CNTNAP2: variants seen among roughly 807,000 people sequenced by gnomAD.
The protein encoded by CNTNAP2 is contactin-associated protein-like 2.
A neutral mutation model predicts 155.2 loss-of-function variants in CNTNAP2; 98 were observed. That is an observed-to-expected ratio of 0.63 (90% CI 0.54 to 0.75). The LOEUF (loss-of-function observed/expected upper bound fraction) is 0.75. CNTNAP2 is among the 30% of genes least tolerant of loss of function. The probability of loss-of-function intolerance (pLI) is 0.00; values close to 1 mark genes in which losing one functional copy is unlikely to be tolerated. For synonymous variants in CNTNAP2, 651 were observed against 631.2 expected (o/e 1.03, Z -0.47); for missense variants, 1,727 against 1,688.1 (o/e 1.02, Z -0.40).
intron 16 of CNTNAP2, among the ~76,000 whole-genome samples, chr7:148,135,295 A>G (rs1337999152): frequency 6.6e-6 from 1 of 152,144 alleles, no homozygotes; most frequent in African/African-American, 2.4e-5. Context: ...ATGTCAACAA[A>G]TGGGAGCACA....
chr7:146,507,381 A>T (rs1416086969), intron 1 of CNTNAP2, among the ~76,000 whole-genome samples: 1 of 152,172 alleles, frequency 6.6e-6, no homozygotes, highest in Non-Finnish European at 1.5e-5. Context: ...CCCCAGGTCA[A>T]TTACTTGTAG....
At chr7:148,252,006 TCTC>T (rs1486676201) in intron 20 of CNTNAP2, among the ~76,000 whole-genome samples, 1 of 152,126 alleles carries the variant, frequency 6.6e-6, no homozygotes, top group Non-Finnish European at 1.5e-5. Context: ...CAAGCAAAGT[TCTC>T]CTCCAGGCCA....
intron 4 of CNTNAP2, among the ~76,000 whole-genome samples, chr7:147,078,069 A>G (rs1245285913): frequency 1.3e-5 from 2 of 152,216 alleles, no homozygotes; most frequent in Admixed American, 6.5e-5. Context: ...TTTAAATGAT[A>G]CTTACATTTT....
chr7:148,383,762 A>G lies in CNTNAP2; in HGVS notation c.3589A>G (p.Thr1197Ala). ...CCCTCTCAAGGCCGCCTTGAGGCAGACAAACGCCTCGGCTCACGTCCACAT... is the reference window on the plus strand; with the variant it reads ...CCCTCTCAAGGCCGCCTTGAGGCAGGCAAACGCCTCGGCTCACGTCCACAT... ...IAPLKAALRQ[T>A]NASAHVHIQG... Residue 1197 changes from threonine to alanine, a missense_variant, in exon 22 of 24, where the codon ACA becomes GCA. Thr to Ala is a moderately conservative substitution (Grantham distance 58, BLOSUM62 0). Coordinates refer to ENST00000361727, the MANE Select transcript of CNTNAP2 (RefSeq NM_014141.6). The G allele has an allele frequency of 6.2e-7, 1 of 1,614,208 alleles. No individual in the cohort carries two copies. The highest frequency in any genetic ancestry group is 2.2e-5 in the East Asian group (1 of 44,886).
At chr7:148,092,358 A>G (rs779153943) in intron 15 of CNTNAP2, among the ~76,000 whole-genome samples, 5 of 152,202 alleles carry the variant, frequency 3.3e-5, no homozygotes, top group Non-Finnish European at 7.3e-5. Flanking sequence ...GAGTGGCATG[A>G]TTCCAGAAGG....
chr7:146,171,700 G>T (rs918917007), intron 1 of CNTNAP2, among the ~76,000 whole-genome samples: 3 of 152,084 alleles, frequency 2.0e-5, no homozygotes, highest in African/African-American at 7.2e-5. Context: ...TAAAAGAAAA[G>T]ATGTGTTTTC....
rs558959322 is a variant in CNTNAP2 at position 146,837,558 on chromosome 7, A to AT, written c.209-2146dup. Among the ~76,000 whole-genome samples, 65 of 151,850 alleles carry AT rather than the reference A, an allele frequency of 4.3e-4. No individual in the cohort carries two copies. The South Asian group carries it at 6.9e-3, about 16-fold the overall frequency. ...TTATTTTGGGGATACATTTCCATTGATTTTTTTCTCTCTGGTTCTAAGACA... is the reference window on the plus strand; with the variant it reads ...TTATTTTGGGGATACATTTCCATTGATTTTTTTTCTCTCTGGTTCTAAGACA... On this transcript the variant is annotated intron_variant, in intron 2 of 23. Coordinates refer to ENST00000361727, the MANE Select transcript of CNTNAP2 (RefSeq NM_014141.6).
At chr7:146,820,787 T>C (rs1240763101) in intron 2 of CNTNAP2, among the ~76,000 whole-genome samples, 1 of 152,186 alleles carries the variant, frequency 6.6e-6, no homozygotes, top group African/African-American at 2.4e-5. Context: ...CCCATTATTA[T>C]TGTGTGGGAG....
intron 2 of CNTNAP2, among the ~76,000 whole-genome samples, chr7:146,807,819 C>T (rs1802995177): frequency 6.6e-6 from 1 of 152,084 alleles, no homozygotes; most frequent in Admixed American, 6.6e-5. Flanking sequence ...TTCTTCCCAA[C>T]ACTCATAGAC....
At chr7:146,538,287 T>C (rs974508978) in intron 1 of CNTNAP2, among the ~76,000 whole-genome samples, 2 of 152,086 alleles carry the variant, frequency 1.3e-5, no homozygotes, top group African/African-American at 4.8e-5. Flanking sequence ...CAAATGTCAG[T>C]AATTTACAAC....
chr7:147,789,971 A>C (rs851702), intron 13 of CNTNAP2, among the ~76,000 whole-genome samples: 97,246 of 152,098 alleles, frequency 0.64, 32,789 homozygotes, highest in African/African-American at 0.87. Context: ...AGCTTGCAGA[A>C]AGCCTATTGT....
chr7:148,347,605 A>T (rs985789784), intron 21 of CNTNAP2, among the ~76,000 whole-genome samples: 1 of 152,250 alleles, frequency 6.6e-6, no homozygotes, highest in East Asian at 1.9e-4. Flanking sequence ...AAATTATATT[A>T]TCTAGGGTAT....
intron 9 of CNTNAP2, among the ~76,000 whole-genome samples, chr7:147,318,986 G>A (rs1255750573): frequency 6.6e-6 from 1 of 151,998 alleles, no homozygotes; most frequent in Non-Finnish European, 1.5e-5. Flanking sequence ...AAATTTGTCA[G>A]GATTATTTTT....
At chr7:146,499,545 T>G (rs700285) in intron 1 of CNTNAP2, among the ~76,000 whole-genome samples, 35,195 of 152,072 alleles carry the variant, frequency 0.23, 4,327 homozygotes, top group East Asian at 0.44. Flanking sequence ...TCATTTGCAT[T>G]CTATATGAAT....
intron 5 of CNTNAP2, among the ~76,000 whole-genome samples, chr7:147,120,616 T>C (rs1801087763): frequency 6.6e-6 from 1 of 152,050 alleles, no homozygotes; most frequent in African/African-American, 2.4e-5. Context: ...TATTTATTTA[T>C]TTATTTTTCT....
At chr7:146,583,748 T>C (rs530082181) in intron 1 of CNTNAP2, among the ~76,000 whole-genome samples, 1 of 152,342 alleles carries the variant, frequency 6.6e-6, no homozygotes, top group Admixed American at 6.5e-5. Context: ...GCATTACTTT[T>C]GCATGACCTT....
At chr7:146,504,258 A>G (rs1797349018) in intron 1 of CNTNAP2, among the ~76,000 whole-genome samples, 1 of 151,304 alleles carries the variant, frequency 6.6e-6, no homozygotes, top group Non-Finnish European at 1.5e-5. Context: ...ACAACTCACT[A>G]CTAGTATTCC....
rs146485224 is a variant in CNTNAP2 at position 146,563,879 on chromosome 7, C to T, written c.98-210392C>T. 3.6e-3 allele frequency among the ~76,000 whole-genome samples: 549 copies of T among 152,208 alleles called. 3 individuals are homozygous for T. Among genetic ancestry groups the T allele is most frequent in the African/African-American group, 0.012 (507 of 41,532 alleles). ...TCAACCAATAAATGGAACATTGTCT[C>T]CCTAATTCATTCAGAGATGTTTGCC... is the stretch of plus-strand genomic sequence containing the variant. On this transcript the variant is annotated intron_variant, in intron 1 of 23. Coordinates refer to ENST00000361727, the MANE Select transcript of CNTNAP2 (RefSeq NM_014141.6).
At chr7:147,466,456 G>A (rs551587948) in intron 10 of CNTNAP2, among the ~76,000 whole-genome samples, 3 of 152,256 alleles carry the variant, frequency 2.0e-5, no homozygotes, top group Non-Finnish European at 4.4e-5. Context: ...TGGTTTCTAT[G>A]ACCCACTTTG....
Sources: allele counts gnomAD v4.1 joint callset (sites outside exome capture counted in the v4.1 genomes callset), GRCh38; gene constraint gnomAD v4.1.1; transcripts MANE v1.5; gene names NCBI Gene and HGNC (gene_info 2026-07-23, HGNC 2026-07-21).